CALD1: variants seen among roughly 807,000 people sequenced by gnomAD.
CALD1 encodes caldesmon 1.
A neutral mutation model predicts 99.9 loss-of-function variants in CALD1; 33 were observed. The ratio of observed to expected loss-of-function variants is 0.33; its 90% CI spans 0.25 to 0.44. The LOEUF (loss-of-function observed/expected upper bound fraction) is 0.44. Ranked by LOEUF, CALD1 falls within the 20% of genes least tolerant of loss-of-function variation. CALD1 has a pLI of 1.00. For synonymous variants in CALD1, 310 were observed against 325.0 expected (o/e 0.95, Z 0.50); for missense variants, 861 against 962.1 (o/e 0.89, Z 1.39).
chr7:134,869,138 T>C (rs1747392776), intron 3 of CALD1, among the ~76,000 whole-genome samples: 1 of 151,912 alleles, frequency 6.6e-6, no homozygotes, highest in South Asian at 2.1e-4. Context: ...ATGGAACTAG[T>C]CAGAGAAAGT....
intron 1 of CALD1, among the ~76,000 whole-genome samples, chr7:134,841,337 T>TTC (rs1799640154): frequency 6.6e-6 from 1 of 152,240 alleles, no homozygotes; most frequent in Non-Finnish European, 1.5e-5. Context: ...ATTAATAATG[T>TTC]GTTATTATTA....
intron 3 of CALD1, among the ~76,000 whole-genome samples, chr7:134,897,155 C>T (rs1802630001): frequency 6.6e-6 from 1 of 152,108 alleles, no homozygotes; most frequent in Non-Finnish European, 1.5e-5. Context: ...AGCAAATACT[C>T]ATTGAGGGTT....
At chr7:134,916,340 A>G (rs944996028) in intron 3 of CALD1, among the ~76,000 whole-genome samples, 2 of 152,200 alleles carry the variant, frequency 1.3e-5, no homozygotes, top group African/African-American at 4.8e-5. Flanking sequence ...TACAAGAGGG[A>G]GGAACAAGAT....
chr7:134,802,715 T>C (rs531961679), intron 1 of CALD1, among the ~76,000 whole-genome samples: 24 of 152,366 alleles, frequency 1.6e-4, no homozygotes, highest in African/African-American at 5.5e-4. Context: ...TAATAAAATG[T>C]TGAATCTTAT....
At chr7:134,712,364 G>C in the CALD1 span, among the ~76,000 whole-genome samples, 6 of 152,140 alleles carry the variant, frequency 3.9e-5, no homozygotes, top group South Asian at 8.3e-4. Flanking sequence ...CTTTGATTAT[G>C]GACTGGTGGA....
chr7:134,958,887 A>C (rs1292803687), intron 11 of CALD1, among the ~76,000 whole-genome samples: 5 of 96,236 alleles, frequency 5.2e-5, no homozygotes, highest in Non-Finnish European at 1.1e-4. Context: ...ATATATATAT[A>C]TATATATATA....
At chr7:134,956,661 C>T (rs1042268053) in intron 9 of CALD1, among the ~76,000 whole-genome samples, 1 of 152,156 alleles carries the variant, frequency 6.6e-6, no homozygotes, top group Non-Finnish European at 1.5e-5. Flanking sequence ...TAATTTCTCA[C>T]ATTAACCAAG....
intron 7 of CALD1, among the ~76,000 whole-genome samples, chr7:134,945,516 G>T (rs1373260190): frequency 6.6e-6 from 1 of 152,174 alleles, no homozygotes; most frequent in African/African-American, 2.4e-5. Flanking sequence ...CTGCTTTCTA[G>T]CTTCCAAAAG....
At position 134,933,897 on chromosome 7, in the gene CALD1, G is replaced by A; in HGVS notation, c.1128G>A (p.Glu376=). The A allele has an allele frequency of 6.2e-7, 1 of 1,613,916 alleles. No individual in the cohort carries two copies. ...AAEERQRARA[E]EEEKAKVEEQ... Reference sequence around the variant, plus strand: ...AGGAGAGGCAAAGGGCCAGGGCAGAGGAGGAAGAGAAGGCTAAGGTAGAAG... The same window carrying A: ...AGGAGAGGCAAAGGGCCAGGGCAGAAGAGGAAGAGAAGGCTAAGGTAGAAG... Residue 376 remains glutamate (E), a synonymous_variant, in exon 5 of 15, where the codon GAG becomes GAA. Transcript: ENST00000361675.
rs1034054585 is a variant in CALD1, at chr7:134,970,593, A to G, written c.*2248A>G. On this transcript the variant is annotated 3_prime_UTR_variant, in exon 15 of 15. Transcript: ENST00000361675. ...CTGATAATGGATCGCTCCAATAAAC[A>G]TATATTGTGAAAATGCATCCACAAT... 1.3e-5 allele frequency: 2 copies of G among 152,674 alleles called. No homozygotes were observed. Among genetic ancestry groups the G allele is most frequent in the African/African-American group, 4.8e-5 (2 of 41,462 alleles). The allele number at this position is 152,674 out of a possible 1,614,324, so 9.5% of individuals were successfully genotyped here.
In CALD1 at chr7:134,950,390, T is replaced by C; in HGVS notation, c.1811T>C (p.Leu604Pro). The change falls in exon 9 of 15, where the codon CTA becomes CCA. Residue 604 changes from leucine (L) to proline (P), a missense_variant. Leu to Pro is a moderately conservative substitution (Grantham distance 98). Transcript: ENST00000361675. ...CTCTCTTAGGAAGAGAAGAGGAGGC[T>C]AAAGGAAGAGATTGAAAGGCGAAGA... ...KLREEEEKRR[L>P]KEEIERRRAE... 3.1e-6 allele frequency: 5 copies of C among 1,614,024 alleles called. No individual in the cohort carries two copies. Among genetic ancestry groups the C allele is most frequent in the Non-Finnish European group, 4.2e-6 (5 of 1,179,966 alleles).
intron 3 of CALD1, among the ~76,000 whole-genome samples, chr7:134,923,693 C>G (rs1005466190): frequency 4.6e-5 from 7 of 152,058 alleles, no homozygotes; most frequent in Non-Finnish European, 8.8e-5. Flanking sequence ...TGAAGCAGAC[C>G]CTGTGCTATC....
the CALD1 span, among the ~76,000 whole-genome samples, chr7:134,720,965 TCAAA>T: frequency 6.6e-6 from 1 of 152,214 alleles, no homozygotes; most frequent in African/African-American, 2.4e-5. Context: ...AGTAATAGCA[TCAAA>T]CAAAGAGTTG....
intron 3 of CALD1, among the ~76,000 whole-genome samples, chr7:134,921,586 C>T (rs892637773): frequency 4.6e-5 from 7 of 152,094 alleles, no homozygotes; most frequent in East Asian, 1.9e-4. Flanking sequence ...CCGAGGCGGG[C>T]GGATCACCTG....
At chr7:134,839,402 A>C (rs1010368694) in intron 1 of CALD1, among the ~76,000 whole-genome samples, 1 of 152,146 alleles carries the variant, frequency 6.6e-6, no homozygotes, top group African/African-American at 2.4e-5. Context: ...GAATATATGC[A>C]TGGACTTTTG....
intron 1 of CALD1, among the ~76,000 whole-genome samples, chr7:134,800,333 A>C (rs999290956): frequency 2.6e-5 from 4 of 152,130 alleles, no homozygotes; most frequent in Admixed American, 2.6e-4. Context: ...CTTACTAATT[A>C]AAATTTTTTT....
intron 3 of CALD1, among the ~76,000 whole-genome samples, chr7:134,872,521 A>G (rs934608625): frequency 6.6e-6 from 1 of 152,166 alleles, no homozygotes; most frequent in African/African-American, 2.4e-5. Context: ...GAAGTACTTC[A>G]TTTTGTCATA....
At chr7:134,851,757 C>A (rs1350948436) in intron 2 of CALD1, among the ~76,000 whole-genome samples, 1 of 152,148 alleles carries the variant, frequency 6.6e-6, no homozygotes, top group African/African-American at 2.4e-5. Flanking sequence ...ATTGGCAAGT[C>A]TACCCCAGAA....
intron 1 of CALD1, among the ~76,000 whole-genome samples, chr7:134,817,708 G>GA (rs984014330): frequency 5.3e-5 from 8 of 151,970 alleles, no homozygotes; most frequent in Non-Finnish European, 1.0e-4. Context: ...AGCTAAACGA[G>GA]AAAAAAATCA....
Sources: allele counts gnomAD v4.1 joint callset (sites outside exome capture counted in the v4.1 genomes callset), GRCh38; gene constraint gnomAD v4.1.1; transcripts MANE v1.5; gene names NCBI Gene and HGNC (gene_info 2026-07-23, HGNC 2026-07-21).